SRSF1: variants seen among roughly 807,000 people sequenced by gnomAD.
SRSF1 encodes the protein serine and arginine rich splicing factor 1.
A neutral mutation model predicts 25.9 loss-of-function variants in SRSF1; 1 was observed. The ratio of observed to expected loss-of-function variants is 0.04; its 90% CI spans 0.01 to 0.18. The LOEUF is 0.18. Among genes scored for constraint, SRSF1 ranks in the 10% least tolerant of loss-of-function variants. The pLI, the probability that SRSF1 is intolerant of heterozygous loss-of-function variation, is 1.00. For synonymous variants in SRSF1, 132 were observed against 126.2 expected (o/e 1.05, Z -0.31); for missense variants, 65 against 350.5 (o/e 0.19, Z 6.50).
chr17:57,997,939 G>C (rs1459144731), downstream of SRSF1, among the ~76,000 whole-genome samples: 1 of 152,184 alleles, frequency 6.6e-6, no homozygotes, highest in African/African-American at 2.4e-5. Context: ...TGTCAGCCAG[G>C]TGCGCTGGCT....
chr17:57,990,018 G>T, the SRSF1 span: 1 of 341,696 alleles, frequency 2.9e-6, no homozygotes, highest in Admixed American at 4.8e-5. Context: ...CTCACTCAAG[G>T]TCTCTGTGAT....
the SRSF1 span, chr17:57,989,578 T>C: frequency 2.5e-6 from 1 of 397,924 alleles, no homozygotes; most frequent in South Asian, 1.4e-4. Flanking sequence ...GATATAGTAA[T>C]TTGACAGTGT....
At chr17:57,997,736 A>C (rs919357937), downstream of SRSF1, among the ~76,000 whole-genome samples, 6 of 152,192 alleles carry the variant, frequency 3.9e-5, no homozygotes, top group African/African-American at 1.2e-4. Flanking sequence ...GAAGAACTCT[A>C]TTTGGCAAGT....
At chr17:58,006,807 C>T in intron 1 of SRSF1, 137 bp downstream of exon 1, 1 of 1,113,900 alleles carries the variant, frequency 9.0e-7, no homozygotes, top group Non-Finnish European at 1.3e-6. Context: ...CCTTACTCGA[C>T]TCCTGCATGG....
the SRSF1 span, chr17:57,989,058 A>C: frequency 5.1e-6 from 2 of 395,746 alleles, no homozygotes; most frequent in East Asian, 7.1e-5. Context: ...AAATTATTTT[A>C]GTCCTTTAGT....
In SRSF1 at chr17:58,004,177, A is replaced by G. The variant is rs776452678; in HGVS notation, c.*1229T>C. 7 of 152,692 alleles carry G rather than the reference A, an allele frequency of 4.6e-5. No homozygotes were observed. The highest frequency in any genetic ancestry group is 7.2e-5 in the African/African-American group (3 of 41,480). The allele number at this position is 152,692 out of a possible 1,614,324, so 9.5% of individuals were successfully genotyped here. On this transcript the variant is annotated 3_prime_UTR_variant, in exon 4 of 4. Transcript: ENST00000258962. ...GTGTTCAGATAAATTTTAGAAACTTAATCATCATAGAGACTAATTGGAAGA... is the reference window on the plus strand; with the variant it reads ...GTGTTCAGATAAATTTTAGAAACTTGATCATCATAGAGACTAATTGGAAGA...
chr17:57,998,980 T>A (rs1379978744), downstream of SRSF1, among the ~76,000 whole-genome samples: 3 of 152,168 alleles, frequency 2.0e-5, no homozygotes, highest in Non-Finnish European at 4.4e-5. Context: ...TTTCCATTTT[T>A]TATAAAAGAA....
At chr17:57,989,943 T>C in the SRSF1 span, 2 of 392,748 alleles carry the variant, frequency 5.1e-6, no homozygotes, top group Non-Finnish European at 9.0e-6. Context: ...TGCTCTGACC[T>C]TGGACAATGG....
At chr17:57,993,688 T>C in the SRSF1 span, 1 of 152,230 alleles carries the variant, frequency 6.6e-6, no homozygotes, top group Non-Finnish European at 1.5e-5. Flanking sequence ...GAACAATTAT[T>C]AAGGTACACA....
chr17:57,993,886 C>T, the SRSF1 span: 1 of 152,270 alleles, frequency 6.6e-6, no homozygotes, highest in Non-Finnish European at 1.5e-5. Flanking sequence ...GCTGTTTCCT[C>T]GTATTTCTGC....
chr17:57,999,903 G>A (rs565234536), downstream of SRSF1, among the ~76,000 whole-genome samples: 1 of 152,078 alleles, frequency 6.6e-6, no homozygotes, highest in Non-Finnish European at 1.5e-5. Context: ...AAGTTGTCTG[G>A]TAACAGAAGT....
chr17:58,006,988 G>A lies in SRSF1; in HGVS notation c.150C>T (p.Arg50=), dbSNP rs1023154633. ...GAIRDIDLKN[R]RGGPPFAFVE... is the part of the protein sequence containing the mutation. ...CGAAGGCGAAGGGCGGTCCCCCGCGGCGATTCTTGAGGTCGATGTCGCGGA... is the reference window on the plus strand; with the variant it reads ...CGAAGGCGAAGGGCGGTCCCCCGCGACGATTCTTGAGGTCGATGTCGCGGA... Residue 50 remains arginine (R), a synonymous_variant, in exon 1 of 4, where the codon CGC becomes CGT. Transcript: ENST00000258962. The A allele has an allele frequency of 6.2e-7, 1 of 1,613,874 alleles. No individual in the cohort carries two copies.
rs1314243555 is a variant in SRSF1, at chr17:58,006,933, T to G, written c.194+11A>C. 6.2e-7 allele frequency: 1 copy of G among 1,613,796 alleles called. No individual in the cohort carries two copies. Among genetic ancestry groups the G allele is most frequent in the Non-Finnish European group, 8.5e-7 (1 of 1,179,818 alleles). Reference sequence around the variant, plus strand: ...TATTTCCTCAAGGCTGCAAGCCCCATGCCGCCTCACCGCGGGTCCTCGAAC... The same window carrying G: ...TATTTCCTCAAGGCTGCAAGCCCCAGGCCGCCTCACCGCGGGTCCTCGAAC... On this transcript the variant is annotated intron_variant, in intron 1 of 3. Transcript: ENST00000258962.
downstream of SRSF1, among the ~76,000 whole-genome samples, chr17:57,997,170 T>C (rs1385050012): frequency 6.6e-6 from 1 of 152,200 alleles, no homozygotes; most frequent in Non-Finnish European, 1.5e-5. Context: ...TCAAAACCAC[T>C]TACTTTGGTC....
downstream of SRSF1, among the ~76,000 whole-genome samples, chr17:57,997,509 A>G (rs756434753): frequency 6.6e-6 from 1 of 152,336 alleles, no homozygotes; most frequent in Non-Finnish European, 1.5e-5. Flanking sequence ...ACATGTATTT[A>G]CCAAATCAAC....
At chr17:58,006,235 T>G (rs1212023152) in intron 2 of SRSF1, 108 bp downstream of exon 2, 1 of 1,374,894 alleles carries the variant, frequency 7.3e-7, no homozygotes, top group Non-Finnish European at 9.9e-7. Context: ...ACTAAAGCAA[T>G]TTAAGACCTA....
intron 1 of SRSF1, 152 bp downstream of exon 1, chr17:58,006,792 C>A: frequency 9.8e-7 from 1 of 1,018,742 alleles, no homozygotes; most frequent in Non-Finnish European, 1.4e-6. Context: ...CACATCAACT[C>A]AGCTCCTTAC....
rs574956607 is a variant in SRSF1 at position 58,004,250 on chromosome 17, G to A, written c.*1156C>T. On this transcript the variant is annotated 3_prime_UTR_variant, in exon 4 of 4. Coordinates refer to ENST00000258962, the MANE Select transcript of SRSF1 (RefSeq NM_006924.5). ...ACTGATAATGCCAACACTTGTTACT[G>A]TACAGCGTATTACAGGTTTCGTGGT... 6.5e-6 allele frequency: 1 copy of A among 152,720 alleles called. No individual in the cohort carries two copies. Among genetic ancestry groups the A allele is most frequent in the Non-Finnish European group, 1.5e-5 (1 of 68,022 alleles). The allele number at this position is 152,720 out of a possible 1,614,324, so 9.5% of individuals were successfully genotyped here.
chr17:58,006,068 T>C, intron 2 of SRSF1, 95 bp from the exon 3 acceptor site: 1 of 1,202,824 alleles, frequency 8.3e-7, no homozygotes, highest in Non-Finnish European at 1.2e-6. Flanking sequence ...TTTAAAGTAC[T>C]TAATAGGTGT....
Sources: gnomAD v4.1 joint callset for allele counts (sites outside exome capture counted in the v4.1 genomes callset) on GRCh38, gnomAD v4.1.1 for gene constraint, MANE v1.5 for transcripts, NCBI Gene and HGNC (gene_info 2026-07-23, HGNC 2026-07-21) for gene names.